Variants in CSMD1 observed in about 807,000 individuals in gnomAD.
CSMD1 encodes CUB and Sushi multiple domains 1, also known as CUB and sushi domain-containing protein 1.
CSMD1 carries 213 observed loss-of-function variants against 417.5 expected under a neutral mutation model. That is an observed-to-expected ratio of 0.51 (90% CI 0.46 to 0.57). The LOEUF (loss-of-function observed/expected upper bound fraction) is 0.57. CSMD1 is among the 20% of genes least tolerant of loss of function. The pLI, the probability that CSMD1 is intolerant of heterozygous loss-of-function variation, is 0.00. For synonymous variants in CSMD1, 2,862 were observed against 1,736.8 expected (o/e 1.65, Z -16.11); for missense variants, 6,923 against 4,529.7 (o/e 1.53, Z -15.17).
intron 6 of CSMD1, among the ~76,000 whole-genome samples, chr8:3,720,224 T>C (rs1400450458): frequency 6.6e-6 from 1 of 152,150 alleles, no homozygotes; most frequent in South Asian, 2.1e-4. Context: ...GTTGGAAACA[T>C]GCCACGTCAT....
Position 4,426,854 on chromosome 8 carries a change from T to C in CSMD1, c.303-6789A>G, listed in dbSNP as rs548084163. On this transcript the variant is annotated intron_variant, in intron 2 of 69. Coordinates refer to ENST00000635120, the MANE Select transcript of CSMD1 (RefSeq NM_033225.6). Reference sequence around the variant, plus strand: ...GTATACTATATTATGTACTATATTATAGCAGAATTCAAAAGTGGGAAGGGG... The same window carrying C: ...GTATACTATATTATGTACTATATTACAGCAGAATTCAAAAGTGGGAAGGGG... Among the ~76,000 whole-genome samples, 18 of 151,542 alleles carry C rather than the reference T, an allele frequency of 1.2e-4. No individual in the cohort carries two copies. The South Asian group carries it at 2.9e-3, about 24-fold the overall frequency.
At chr8:3,684,659 G>A (rs1262503081) in intron 7 of CSMD1, among the ~76,000 whole-genome samples, 3 of 146,376 alleles carry the variant, frequency 2.0e-5, no homozygotes, top group South Asian at 4.3e-4. Context: ...GTGCAGTGGC[G>A]CTATCTCCGC....
At chr8:4,222,571 A>C (rs144190612) in intron 3 of CSMD1, among the ~76,000 whole-genome samples, 2 of 152,210 alleles carry the variant, frequency 1.3e-5, no homozygotes, top group African/African-American at 2.4e-5. Context: ...GTTAAAGGCT[A>C]TTACTTTAAA....
At chr8:3,319,909 A>G (rs1806038874) in intron 23 of CSMD1, among the ~76,000 whole-genome samples, 1 of 152,200 alleles carries the variant, frequency 6.6e-6, no homozygotes, top group Non-Finnish European at 1.5e-5. Context: ...TCATTAAAAA[A>G]ACTTTTATTT....
At chr8:3,741,003 T>C (rs1796772608) in intron 6 of CSMD1, among the ~76,000 whole-genome samples, 1 of 151,858 alleles carries the variant, frequency 6.6e-6, no homozygotes, top group Admixed American at 6.6e-5. Context: ...TCACCTCAGG[T>C]CAGGATTTCC....
intron 55 of CSMD1, among the ~76,000 whole-genome samples, chr8:2,977,673 C>T (rs1448947059): frequency 2.6e-5 from 4 of 152,162 alleles, no homozygotes; most frequent in Admixed American, 2.6e-4. Context: ...TCGTTGCAAT[C>T]TATCCATCTG....
At chr8:3,778,460 G>C (rs961741399) in intron 5 of CSMD1, among the ~76,000 whole-genome samples, 2 of 152,274 alleles carry the variant, frequency 1.3e-5, no homozygotes, top group Non-Finnish European at 1.5e-5. Flanking sequence ...AGGTGCCCTC[G>C]CCTTACAAGG....
At chr8:3,015,352 G>A (rs113861120) in intron 52 of CSMD1, among the ~76,000 whole-genome samples, 6 of 152,014 alleles carry the variant, frequency 3.9e-5, no homozygotes, top group Non-Finnish European at 8.8e-5. Context: ...AGCTGTCTCT[G>A]TTTGTTTGGG....
chr8:4,260,507 A>G (rs1161570982), intron 3 of CSMD1, among the ~76,000 whole-genome samples: 2 of 152,186 alleles, frequency 1.3e-5, no homozygotes, highest in African/African-American at 4.8e-5. Flanking sequence ...AAACAATGTT[A>G]AAGAACACTA....
chr8:4,403,316 AT>A (rs1459156895), intron 3 of CSMD1, among the ~76,000 whole-genome samples: 18 of 152,174 alleles, frequency 1.2e-4, no homozygotes, highest in Admixed American at 3.9e-4. Flanking sequence ...CAACTATTCC[AT>A]TTCCTTACAT....
At chr8:4,661,632 G>A (rs1237813533) in intron 1 of CSMD1, among the ~76,000 whole-genome samples, 1 of 152,108 alleles carries the variant, frequency 6.6e-6, no homozygotes, top group Non-Finnish European at 1.5e-5. Context: ...GTTACCGTAA[G>A]GGGAAACTGA....
intron 2 of CSMD1, among the ~76,000 whole-genome samples, chr8:4,550,729 T>C (rs1371905551): frequency 6.6e-6 from 1 of 152,164 alleles, no homozygotes; most frequent in Non-Finnish European, 1.5e-5. Flanking sequence ...TGTCACATGT[T>C]TAAAATCAAT....
chr8:4,296,421 G>A (rs150082587), intron 3 of CSMD1, among the ~76,000 whole-genome samples: 131 of 152,230 alleles, frequency 8.6e-4, no homozygotes, highest in African/African-American at 2.9e-3. Flanking sequence ...GTTATCACAA[G>A]AGTGTGAGAT....
chr8:3,274,848 A>C (rs1002913448), intron 26 of CSMD1, among the ~76,000 whole-genome samples: 1 of 152,076 alleles, frequency 6.6e-6, no homozygotes, highest in Admixed American at 6.6e-5. Flanking sequence ...TGTTTCCTGA[A>C]TAGTGCACAC....
intron 11 of CSMD1, among the ~76,000 whole-genome samples, chr8:3,489,360 G>T (rs1439059740): frequency 6.6e-6 from 1 of 152,126 alleles, no homozygotes; most frequent in Non-Finnish European, 1.5e-5. Context: ...TCTCATAGAG[G>T]GACGGGCATT....
intron 25 of CSMD1, among the ~76,000 whole-genome samples, chr8:3,289,537 A>G (rs1469981077): frequency 1.4e-5 from 2 of 146,196 alleles, no homozygotes; most frequent in Non-Finnish European, 2.9e-5. Flanking sequence ...GTGAGATGGT[A>G]TCTCATTGTG....
intron 1 of CSMD1, among the ~76,000 whole-genome samples, chr8:4,847,183 G>A (rs1253829448): frequency 2.6e-5 from 4 of 152,108 alleles, no homozygotes; most frequent in Admixed American, 1.3e-4. Flanking sequence ...CTTTTTGCAT[G>A]CAAATCTAAG....
At position 3,064,342 on chromosome 8, in the gene CSMD1, G is replaced by C. The variant is rs190177715; in HGVS notation, c.7475-11695C>G. ...TGGTGAGTGAGTTCTCAGGAGATCT[G>C]ATGGTTTGAAAGCCTGTGGCATTTC... On this transcript the variant is annotated intron_variant, in intron 49 of 69. Transcript: ENST00000635120. Among the ~76,000 whole-genome samples the C allele has an allele frequency of 1.1e-3, 161 of 152,274 alleles. No individual in the cohort carries two copies. In the South Asian group the frequency reaches 0.021, roughly 19 times the overall value.
At chr8:3,805,409 G>C (rs532021289) in intron 5 of CSMD1, among the ~76,000 whole-genome samples, 5 of 152,176 alleles carry the variant, frequency 3.3e-5, no homozygotes, top group Non-Finnish European at 7.3e-5. Context: ...CACAAGGAAA[G>C]AAGTGGTCAC....
Sources: gnomAD v4.1 joint callset for allele counts (sites outside exome capture counted in the v4.1 genomes callset) on GRCh38, gnomAD v4.1.1 for gene constraint, MANE v1.5 for transcripts, NCBI Gene and HGNC (gene_info 2026-07-23, HGNC 2026-07-21) for gene names.